SSBP2: variants seen among roughly 807,000 people sequenced by gnomAD.
The protein encoded by SSBP2 is single-stranded DNA-binding protein 2.
Under a neutral mutation model 61.8 loss-of-function variants are expected in SSBP2, and 17 were observed. The ratio of observed to expected loss-of-function variants is 0.28; its 90% CI spans 0.19 to 0.41. The LOEUF (loss-of-function observed/expected upper bound fraction) is 0.41. Ranked by LOEUF, SSBP2 falls within the 10% of genes least tolerant of loss-of-function variation. The pLI, the probability that SSBP2 is intolerant of heterozygous loss-of-function variation, is 1.00. For missense variants in SSBP2, 310 were observed against 458.7 expected (o/e 0.68, Z 2.96); for synonymous variants, 139 against 141.3 (o/e 0.98, Z 0.12).
chr5:81,588,557 A>G (rs546284363), intron 4 of SSBP2, among the ~76,000 whole-genome samples: 156 of 151,840 alleles, frequency 1.0e-3, no homozygotes, highest in Non-Finnish European at 1.9e-3. Context: ...TATATAATAT[A>G]TCTATACAAC....
chr5:81,713,598 A>C (rs1476850050), intron 1 of SSBP2, among the ~76,000 whole-genome samples: 1 of 152,166 alleles, frequency 6.6e-6, no homozygotes. Context: ...ATCGCCAATA[A>C]AACAGCCTAC....
intron 1 of SSBP2, among the ~76,000 whole-genome samples, chr5:81,676,905 A>C (rs1752029676): frequency 6.6e-6 from 1 of 152,176 alleles, no homozygotes; most frequent in Admixed American, 6.5e-5. Flanking sequence ...GAAAAAGAAA[A>C]AGATAAAGGA....
chr5:81,417,342 G>A lies in SSBP2; in HGVS notation c.*3162C>T, dbSNP rs1440316948. 4 of 152,150 alleles carry A rather than the reference G, an allele frequency of 2.6e-5. No homozygotes were observed. Among genetic ancestry groups the A allele is most frequent in the African/African-American group, 4.8e-5 (2 of 41,424 alleles). The allele number at this position is 152,150 out of a possible 1,614,324, so 9.4% of individuals were successfully genotyped here. A position where few individuals can be genotyped will look rare whatever the true frequency, so the allele number is the denominator to read the frequency against. On this transcript the variant is annotated 3_prime_UTR_variant, in exon 17 of 17. Transcript: ENST00000320672. ...CATGGGCAACTTTGCTGTAAGACAC[G>A]TAGTTAAGAATCATACATACCCTCA...
chr5:81,604,210 G>C (rs1744653470), intron 4 of SSBP2, among the ~76,000 whole-genome samples: 1 of 151,276 alleles, frequency 6.6e-6, no homozygotes, highest in African/African-American at 2.4e-5. Context: ...TTTCATGCCT[G>C]CTGGCATAGC....
intron 4 of SSBP2, among the ~76,000 whole-genome samples, chr5:81,552,092 T>C (rs1772240171): frequency 6.6e-6 from 1 of 152,180 alleles, no homozygotes; most frequent in Non-Finnish European, 1.5e-5. Flanking sequence ...GCTTATTTTG[T>C]TTTGTAGCAT....
intron 1 of SSBP2, among the ~76,000 whole-genome samples, chr5:81,681,800 TAAATA>T (rs552157622): frequency 5.3e-4 from 80 of 152,038 alleles, no homozygotes; most frequent in African/African-American, 1.9e-3. Context: ...TTTGAAAAGA[TAAATA>T]AAATTGATAA....
chr5:81,675,368 A>C (rs1484025031), intron 1 of SSBP2, among the ~76,000 whole-genome samples: 1 of 152,152 alleles, frequency 6.6e-6, no homozygotes, highest in Non-Finnish European at 1.5e-5. Flanking sequence ...AGACTTAAAC[A>C]GGGTGTATAC....
rs190243843 is a variant in SSBP2 at position 81,552,576 on chromosome 5, T to C, written c.283-38859A>G. ...TCACTTGAACCCAGGAGGCAGAGGA[T>C]GCAGTGAGCTGAGATCACACCACTG... is the stretch of plus-strand genomic sequence containing the variant. On this transcript the variant is annotated intron_variant, in intron 4 of 16. Transcript: ENST00000320672. Among the ~76,000 whole-genome samples, 437 of 149,492 alleles carry C rather than the reference T, an allele frequency of 2.9e-3. 3 individuals carry two copies. The highest frequency in any genetic ancestry group is 0.01 in the African/African-American group (418 of 40,378).
In SSBP2 at chr5:81,442,750, A is replaced by G. The variant is rs374654320; in HGVS notation, c.779-27T>C. On this transcript the variant is annotated intron_variant, in intron 12 of 16. Transcript: ENST00000320672. ...TGAAACAAAATATTACTTAATTAAA[A>G]TATTTCTTTAGAGTCTATACCCAAT... 1.7e-4 allele frequency: 221 copies of G among 1,301,786 alleles called. 2 individuals are homozygous for G. The highest frequency in any genetic ancestry group is 4.0e-4 in the Middle Eastern group (2 of 5,018). 80.6% of individuals were successfully genotyped at this position (1,301,786 alleles called of 1,614,324 possible).
chr5:81,517,723 C>T (rs923742915), intron 4 of SSBP2, among the ~76,000 whole-genome samples: 1 of 151,902 alleles, frequency 6.6e-6, no homozygotes, highest in Non-Finnish European at 1.5e-5. Flanking sequence ...CTCTGAAATG[C>T]TATTATGTGA....
intron 4 of SSBP2, among the ~76,000 whole-genome samples, chr5:81,595,212 C>T (rs1294749179): frequency 6.6e-6 from 1 of 152,116 alleles, no homozygotes; most frequent in Non-Finnish European, 1.5e-5. Flanking sequence ...ACTATAAACA[C>T]CTCTATGCAA....
intron 4 of SSBP2, among the ~76,000 whole-genome samples, chr5:81,517,197 C>T (rs1190543865): frequency 6.6e-6 from 1 of 151,888 alleles, no homozygotes; most frequent in East Asian, 1.9e-4. Context: ...ACAGTATTTC[C>T]TCCAACTAAA....
rs1762967414 is a variant in SSBP2 at position 81,440,577 on chromosome 5, A to C, written c.909T>G (p.His303Gln). ...CCTTACCTAAAGAGCCATTCATGTG[A>C]TGTGACTCCATTCCTCCTAATCCAC... The change falls in exon 14 of 17, where the codon CAT becomes CAG. Residue 303 changes from histidine to glutamine, a missense_variant. Transcript: ENST00000320672. 6.2e-7 allele frequency: 1 copy of C among 1,613,420 alleles called. No homozygotes were observed. The highest frequency in any genetic ancestry group is 1.1e-5 in the South Asian group (1 of 91,070).
At chr5:81,565,517 T>C (rs1473957936) in intron 4 of SSBP2, among the ~76,000 whole-genome samples, 2 of 152,146 alleles carry the variant, frequency 1.3e-5, no homozygotes, top group African/African-American at 4.8e-5. Context: ...TTCTAGTATT[T>C]TAGAAGTGTT....
chr5:81,603,024 A>G (rs958836552), intron 4 of SSBP2, among the ~76,000 whole-genome samples: 6 of 152,200 alleles, frequency 3.9e-5, no homozygotes, highest in African/African-American at 1.4e-4. Context: ...TTGTTACAGC[A>G]ACACCCCACT....
At chr5:81,744,264 A>G (rs1441449023) in intron 1 of SSBP2, among the ~76,000 whole-genome samples, 2 of 152,222 alleles carry the variant, frequency 1.3e-5, no homozygotes, top group Non-Finnish European at 2.9e-5. Flanking sequence ...ATTTAAAATG[A>G]GATCATTTTT....
rs961939988 is a variant in SSBP2, at chr5:81,418,663, G to T, written c.*1841C>A. On this transcript the variant is annotated 3_prime_UTR_variant, in exon 17 of 17. Coordinates refer to ENST00000320672, the MANE Select transcript of SSBP2 (RefSeq NM_012446.5). Reference sequence around the variant, plus strand: ...CCTAGGCTATATAATATAAACTATTGCTCCTAGGCTACAAACCTGTACAGC... The same window carrying T: ...CCTAGGCTATATAATATAAACTATTTCTCCTAGGCTACAAACCTGTACAGC... The T allele has an allele frequency of 6.6e-6, 1 of 152,118 alleles. No individual in the cohort carries two copies. Among genetic ancestry groups the T allele is most frequent in the African/African-American group, 2.4e-5 (1 of 41,418 alleles). The allele number at this position is 152,118 out of a possible 1,614,324, so 9.4% of individuals were successfully genotyped here. A position where few individuals can be genotyped will look rare whatever the true frequency, so the allele number is the denominator to read the frequency against.
At chr5:81,713,087 A>T (rs1024189453) in intron 1 of SSBP2, among the ~76,000 whole-genome samples, 1 of 152,062 alleles carries the variant, frequency 6.6e-6, no homozygotes, top group Non-Finnish European at 1.5e-5. Context: ...CAGATGAAAC[A>T]ACAGTAACAA....
At chr5:81,540,560 CA>C (rs1771184162) in intron 4 of SSBP2, among the ~76,000 whole-genome samples, 1 of 152,148 alleles carries the variant, frequency 6.6e-6, no homozygotes, top group South Asian at 2.1e-4. Flanking sequence ...AATGTCTATT[CA>C]TATCCTCTGC....
Sources: allele counts gnomAD v4.1 joint callset (sites outside exome capture counted in the v4.1 genomes callset), GRCh38; gene constraint gnomAD v4.1.1; transcripts MANE v1.5; gene names NCBI Gene and HGNC (gene_info 2026-07-23, HGNC 2026-07-21).